ADGB: variants seen among roughly 807,000 people sequenced by gnomAD.
ADGB encodes the protein androglobin.
In ADGB, 172 loss-of-function variants were observed where a neutral mutation model predicts 210.5. That is an observed-to-expected ratio of 0.82 (90% CI 0.72 to 0.93). The LOEUF (loss-of-function observed/expected upper bound fraction) is 0.93, where lower values mean the gene tolerates loss of function less well. ADGB is among the 40% of genes least tolerant of loss of function. The probability of loss-of-function intolerance (pLI) is 0.00; values close to 1 mark genes in which losing one functional copy is unlikely to be tolerated. For synonymous variants in ADGB, 658 were observed against 662.7 expected (o/e 0.99, Z 0.11); for missense variants, 2,025 against 1,964.8 (o/e 1.03, Z -0.58).
chr6:146,678,919 A>G (rs996811718), intron 9 of ADGB, among the ~76,000 whole-genome samples: 1 of 152,194 alleles, frequency 6.6e-6, no homozygotes, highest in Non-Finnish European at 1.5e-5. Flanking sequence ...AGTGTTAATC[A>G]CTGGCAGGAA....
At chr6:146,636,164 G>A (rs1402471315) in intron 2 of ADGB, among the ~76,000 whole-genome samples, 1 of 151,876 alleles carries the variant, frequency 6.6e-6, no homozygotes, top group African/African-American at 2.4e-5. Context: ...TGAGGCTATG[G>A]GTCTGACTTT....
intron 35 of ADGB, chr6:146,807,709 A>G (rs1282015488): frequency 2.4e-5 from 20 of 826,090 alleles, no homozygotes; most frequent in Admixed American, 1.4e-4. Context: ...TCTTAGAAAT[A>G]TTTTAATGCT....
In ADGB at chr6:146,721,371, T is replaced by C. The variant is rs1379567615; in HGVS notation, c.1993-32T>C. ...AAATAATAGCATTGATGAACTGATA[T>C]TAAGTATGACAACTGGTCTAATTTC... On this transcript the variant is annotated intron_variant, in intron 16 of 35. Coordinates refer to ENST00000397944, the MANE Select transcript of ADGB (RefSeq NM_024694.4). 30 of 1,309,954 alleles carry C rather than the reference T, an allele frequency of 2.3e-5. No individual in the cohort carries two copies. In the East Asian group the frequency reaches 5.0e-4, roughly 22 times the overall value. The allele number at this position is 1,309,954 out of a possible 1,614,324, so 81.1% of individuals were successfully genotyped here. A position where few individuals can be genotyped will look rare whatever the true frequency, so the allele number is the denominator to read the frequency against.
Position 146,782,204 on chromosome 6 carries a change from A to T in ADGB, c.4035+12A>T. ...GCTTTGAGCCTCAGGTGGGTGTGGA[A>T]TTTTTTTTATTTGAGTGACTTAATG... On this transcript the variant is annotated intron_variant, in intron 30 of 35. Transcript: ENST00000397944. The T allele has an allele frequency of 6.6e-7, 1 of 1,504,352 alleles. No homozygotes were observed. The allele number at this position is 1,504,352 out of a possible 1,614,324, so 93.2% of individuals were successfully genotyped here. A position where few individuals can be genotyped will look rare whatever the true frequency, so the allele number is the denominator to read the frequency against.
intron 16 of ADGB, 29 bp downstream of exon 16, chr6:146,717,628 C>A: frequency 2.4e-6 from 3 of 1,239,160 alleles, no homozygotes; most frequent in Non-Finnish European, 3.3e-6. Context: ...TTTCTATTCT[C>A]TTTAAATTTT....
At chr6:146,773,526 C>G (rs1164744440) in intron 29 of ADGB, among the ~76,000 whole-genome samples, 1 of 152,094 alleles carries the variant, frequency 6.6e-6, no homozygotes, top group African/African-American at 2.4e-5. Flanking sequence ...TAATTGAGTG[C>G]TATTATGTCC....
intron 3 of ADGB, among the ~76,000 whole-genome samples, chr6:146,647,091 AAAAAAACAAAAAAC>A (rs1285066088): frequency 5.5e-5 from 8 of 145,306 alleles, no homozygotes; most frequent in East Asian, 2.1e-4. Flanking sequence ...CCTGTCTCAA[AAAAAAACAAAAAAC>A]AAAAAACAAA....
intron 3 of ADGB, among the ~76,000 whole-genome samples, chr6:146,647,890 TAAG>T (rs2114875488): frequency 6.6e-6 from 1 of 152,108 alleles, no homozygotes; most frequent in South Asian, 2.1e-4. Flanking sequence ...ATAAATACCT[TAAG>T]AAAACCTTTC....
At chr6:146,767,767 G>T (rs939585267) in intron 28 of ADGB, among the ~76,000 whole-genome samples, 2 of 152,140 alleles carry the variant, frequency 1.3e-5, no homozygotes, top group Non-Finnish European at 2.9e-5. Context: ...GTATTTCACA[G>T]TCAAGGAACC....
intron 1 of ADGB, among the ~76,000 whole-genome samples, chr6:146,610,402 TAAGAAGA>T (rs1780689449): frequency 6.6e-6 from 1 of 152,176 alleles, no homozygotes; most frequent in Non-Finnish European, 1.5e-5. Flanking sequence ...CATTTGGAGG[TAAGAAGA>T]CACTTTGGCT....
At chr6:146,668,568 G>A (rs2114898748) in intron 7 of ADGB, among the ~76,000 whole-genome samples, 1 of 152,164 alleles carries the variant, frequency 6.6e-6, no homozygotes, top group East Asian at 1.9e-4. Flanking sequence ...TACAATGTTA[G>A]TGAGAGAAGT....
intron 35 of ADGB, among the ~76,000 whole-genome samples, chr6:146,813,431 G>A: frequency 6.7e-6 from 1 of 148,272 alleles, no homozygotes; most frequent in Non-Finnish European, 1.5e-5. Context: ...TCTGTATTTG[G>A]GCCACAACTA....
chr6:146,740,141 A>G (rs746957710), intron 23 of ADGB, among the ~76,000 whole-genome samples: 4 of 152,010 alleles, frequency 2.6e-5, no homozygotes, highest in African/African-American at 7.3e-5. Context: ...TAGTTTTTCT[A>G]TCCTTATAGC....
chr6:146,716,516 C>T (rs1776736313), intron 14 of ADGB, among the ~76,000 whole-genome samples: 1 of 127,912 alleles, frequency 7.8e-6, no homozygotes, highest in African/African-American at 4.5e-5. Context: ...TGGCGTGAAC[C>T]CGGGAAGCGG....
Position 146,656,878 on chromosome 6 carries a change from C to G in ADGB, c.510C>G (p.Pro170=). ...CTTCAGGGGAACCTCCTCTTCTCCC[C>G]TGGAAGCCCTGGGAACACATATACT... The part of the protein sequence containing the change: ...KGTSGEPPLL[P]WKPWEHIYSL... The change falls in exon 5 of 36, where the codon CCC becomes CCG. Residue 170 remains proline (P), a synonymous_variant. Coordinates refer to ENST00000397944, the MANE Select transcript of ADGB (RefSeq NM_024694.4). 7.7e-6 allele frequency: 12 copies of G among 1,551,442 alleles called. No homozygotes were observed. Among genetic ancestry groups the G allele is most frequent in the Non-Finnish European group, 1.0e-5 (12 of 1,146,722 alleles).
Position 146,733,142 on chromosome 6 carries a change from G to A in ADGB, c.2543G>A (p.Arg848His), listed in dbSNP as rs116326893. The change falls in exon 21 of 36, where the codon CGT (arginine) becomes CAT (histidine). Residue 848 changes from arginine to histidine, a missense_variant. Coordinates refer to ENST00000397944, the MANE Select transcript of ADGB (RefSeq NM_024694.4). Reference sequence around the variant, plus strand: ...CAGGTTTTTCATCTTTCCTTATGGCGTTTAATGAAAAAAGTTCAAATAACA... The same window carrying A: ...CAGGTTTTTCATCTTTCCTTATGGCATTTAATGAAAAAAGTTCAAATAACA... Reference protein sequence around the residue: ...HFRVFHLSLWRLMKKVQITKP... With the variant: ...HFRVFHLSLWHLMKKVQITKP... 1.6e-3 allele frequency: 2,383 copies of A among 1,526,752 alleles called. 27 individuals are homozygous for A. In the African/African-American group the frequency reaches 0.024, roughly 15 times the overall value. 94.6% of individuals were successfully genotyped at this position (1,526,752 alleles called of 1,614,324 possible). A position where few individuals can be genotyped will look rare whatever the true frequency, so the allele number is the denominator to read the frequency against.
At chr6:146,687,408 T>C (rs1430328235) in intron 10 of ADGB, among the ~76,000 whole-genome samples, 1 of 151,980 alleles carries the variant, frequency 6.6e-6, no homozygotes. Flanking sequence ...GCCCCATCAA[T>C]GATAGACTGA....
At chr6:146,709,075 T>A (rs1260228623) in intron 13 of ADGB, among the ~76,000 whole-genome samples, 1 of 152,308 alleles carries the variant, frequency 6.6e-6, no homozygotes, top group Admixed American at 6.5e-5. Flanking sequence ...TTAAAATAAT[T>A]CCAATCTCTT....
chr6:146,641,482 C>G (rs539824470), intron 2 of ADGB, among the ~76,000 whole-genome samples: 1 of 150,830 alleles, frequency 6.6e-6, no homozygotes, highest in African/African-American at 2.4e-5. Context: ...AGGAATCACG[C>G]GACCTGACTT....
Sources: gnomAD v4.1 joint callset for allele counts (sites outside exome capture counted in the v4.1 genomes callset) on GRCh38, gnomAD v4.1.1 for gene constraint, MANE v1.5 for transcripts, NCBI Gene and HGNC (gene_info 2026-07-23, HGNC 2026-07-21) for gene names.